Variants in RHBDD1 observed in about 807,000 individuals in gnomAD.
The protein encoded by RHBDD1 is rhomboid-related protein 4.
A neutral mutation model predicts 36.3 loss-of-function variants in RHBDD1; 38 were observed. That is an observed-to-expected ratio of 1.05 (90% CI 0.81 to 1.37). The LOEUF (loss-of-function observed/expected upper bound fraction) is 1.37, where lower values mean the gene tolerates loss of function less well. Ranked by LOEUF, RHBDD1 falls within the 40% of genes most tolerant of loss-of-function variation. The pLI is 0.00. For synonymous variants in RHBDD1, 151 were observed against 136.5 expected (o/e 1.11, Z -0.74); for missense variants, 393 against 377.6 (o/e 1.04, Z -0.34).
chr2:226,831,747 T>C (rs1432426149), upstream of RHBDD1, among the ~76,000 whole-genome samples: 1 of 152,214 alleles, frequency 6.6e-6, no homozygotes, highest in Non-Finnish European at 1.5e-5. Context: ...TAAAGTCTTT[T>C]TGGATTTTCT....
At chr2:226,972,837 T>A (rs1271256154) in intron 8 of RHBDD1, among the ~76,000 whole-genome samples, 2 of 151,806 alleles carry the variant, frequency 1.3e-5, no homozygotes, top group Admixed American at 6.6e-5. Context: ...TTTGGTTGGG[T>A]TATAGGTAAG....
At chr2:226,853,160 G>T (rs1448161650) in intron 3 of RHBDD1, among the ~76,000 whole-genome samples, 1 of 151,994 alleles carries the variant, frequency 6.6e-6, no homozygotes, top group African/African-American at 2.4e-5. Context: ...CATTGTTTTG[G>T]TCCCTTTTAC....
chr2:226,921,358 A>G (rs1261048885), intron 8 of RHBDD1, among the ~76,000 whole-genome samples: 1 of 151,120 alleles, frequency 6.6e-6, no homozygotes, highest in Non-Finnish European at 1.5e-5. Flanking sequence ...ACTCTTTATT[A>G]CTTCTTTTCT....
At chr2:226,804,522 C>T in the RHBDD1 span, 1 of 152,158 alleles carries the variant, frequency 6.6e-6, no homozygotes, top group Non-Finnish European at 1.5e-5. Context: ...ATTGATTTTC[C>T]TTTGAAGAAT....
At chr2:226,862,957 C>G (rs1361717216) in intron 3 of RHBDD1, among the ~76,000 whole-genome samples, 3 of 152,168 alleles carry the variant, frequency 2.0e-5, no homozygotes, top group Admixed American at 6.5e-5. Context: ...CTCACTCATC[C>G]CCTGACCCCA....
chr2:226,895,543 CACTG>C (rs1197352442), intron 5 of RHBDD1: 2 of 324,772 alleles, frequency 6.2e-6, no homozygotes, highest in African/African-American at 4.5e-5. Context: ...CACAGAATCT[CACTG>C]ACTCTTTAAC....
In RHBDD1 at chr2:226,988,615, C is replaced by T. The variant is rs552057861; in HGVS notation, c.857-6816C>T. ...AGGCCGGGGGCTCCAGCTGCCCCTCCGAGCAGACACATTGGCCCTGGAGCT... is the reference window on the plus strand; with the variant it reads ...AGGCCGGGGGCTCCAGCTGCCCCTCTGAGCAGACACATTGGCCCTGGAGCT... On this transcript the variant is annotated intron_variant, in intron 8 of 8. Coordinates refer to ENST00000392062, the MANE Select transcript of RHBDD1 (RefSeq NM_001167608.3). The T allele has an allele frequency of 6.4e-4, 867 of 1,348,426 alleles. 8 individuals are homozygous for T. Among genetic ancestry groups the T allele is most frequent in the Admixed American group, 3.9e-4 (11 of 28,542 alleles). 83.5% of individuals were successfully genotyped at this position (1,348,426 alleles called of 1,614,324 possible).
chr2:226,974,957 G>A (rs1954295648), intron 8 of RHBDD1, among the ~76,000 whole-genome samples: 1 of 152,184 alleles, frequency 6.6e-6, no homozygotes, highest in Non-Finnish European at 1.5e-5. Context: ...GCACAGATGA[G>A]GCCTAGTTCC....
chr2:226,979,782 T>C (rs928552690), intron 8 of RHBDD1, among the ~76,000 whole-genome samples: 7 of 152,234 alleles, frequency 4.6e-5, no homozygotes, highest in African/African-American at 1.7e-4. Flanking sequence ...GGAGCACTGC[T>C]TCACCAGCCA....
At chr2:226,875,628 T>A (rs1052638526) in intron 5 of RHBDD1, among the ~76,000 whole-genome samples, 6 of 152,198 alleles carry the variant, frequency 3.9e-5, no homozygotes, top group African/African-American at 1.4e-4. Context: ...TAGGAGGCGC[T>A]GCAGAGGACA....
intron 3 of RHBDD1, among the ~76,000 whole-genome samples, chr2:226,863,020 C>A (rs1943999434): frequency 6.6e-6 from 1 of 152,230 alleles, no homozygotes; most frequent in African/African-American, 2.4e-5. Context: ...CCAAACACCT[C>A]CCATTAGGCT....
At chr2:226,951,900 G>T (rs973189002) in intron 8 of RHBDD1, among the ~76,000 whole-genome samples, 3 of 152,188 alleles carry the variant, frequency 2.0e-5, no homozygotes, top group Non-Finnish European at 4.4e-5. Flanking sequence ...ATTCAAGAAA[G>T]ACCAAAGATA....
intron 7 of RHBDD1, among the ~76,000 whole-genome samples, chr2:226,911,709 A>G (rs1465187511): frequency 6.6e-6 from 1 of 152,088 alleles, no homozygotes; most frequent in Admixed American, 6.6e-5. Flanking sequence ...CAGTTTAAGA[A>G]TAAATGTTCA....
At chr2:226,922,960 T>C (rs898538256) in intron 8 of RHBDD1, among the ~76,000 whole-genome samples, 1 of 152,250 alleles carries the variant, frequency 6.6e-6, no homozygotes. Flanking sequence ...TTTCTACTTA[T>C]ATTTTATTAT....
chr2:226,978,455 A>G (rs1328327227), intron 8 of RHBDD1, among the ~76,000 whole-genome samples: 10 of 152,192 alleles, frequency 6.6e-5, no homozygotes, highest in African/African-American at 2.4e-4. Flanking sequence ...ACCCCTGGAC[A>G]TATGGACCAT....
chr2:226,929,620 C>G (rs1350147741), intron 8 of RHBDD1, among the ~76,000 whole-genome samples: 1 of 152,132 alleles, frequency 6.6e-6, no homozygotes, highest in Non-Finnish European at 1.5e-5. Context: ...TTTCACCACT[C>G]TATTCAACAC....
Position 226,909,196 on chromosome 2 carries a change from G to A in RHBDD1, c.712+318G>A, listed in dbSNP as rs554789927. Among the ~76,000 whole-genome samples, 9 of 152,246 alleles carry A rather than the reference G, an allele frequency of 5.9e-5. No homozygotes were observed. The South Asian group carries it at 1.9e-3, about 32-fold the overall frequency. On this transcript the variant is annotated intron_variant, in intron 7 of 8. Coordinates refer to ENST00000392062, the MANE Select transcript of RHBDD1 (RefSeq NM_001167608.3). ...AGTCTCAGTCTGAGACTCTACTGCT[G>A]GGAAAGTGTTAAAAGTTGGTTTTAG... is the stretch of plus-strand genomic sequence containing the variant.
intron 5 of RHBDD1, chr2:226,867,741 T>TG (rs1944459433): frequency 1.2e-6 from 1 of 834,092 alleles, no homozygotes; most frequent in African/African-American, 1.8e-5. Flanking sequence ...TTTTTTGAGA[T>TG]GGAGTCTCGC....
chr2:226,972,574 G>A (rs114867521), intron 8 of RHBDD1, among the ~76,000 whole-genome samples: 1 of 152,218 alleles, frequency 6.6e-6, no homozygotes, highest in Non-Finnish European at 1.5e-5. Context: ...AAACCCTGCA[G>A]TGCTGCTTCA....
Sources: gnomAD v4.1 joint callset for allele counts (sites outside exome capture counted in the v4.1 genomes callset) on GRCh38, gnomAD v4.1.1 for gene constraint, MANE v1.5 for transcripts, NCBI Gene and HGNC (gene_info 2026-07-23, HGNC 2026-07-21) for gene names.